LRRC37A: variants seen among roughly 807,000 people sequenced by gnomAD.
LRRC37A encodes the protein leucine-rich repeat-containing protein 37A.
Under a neutral mutation model 35.4 loss-of-function variants are expected in LRRC37A, and 3 were observed. That is an observed-to-expected ratio of 0.08 (90% confidence interval 0.04 to 0.22). LRRC37A has a LOEUF of 0.22. Ranked by LOEUF, LRRC37A falls within the 10% of genes least tolerant of loss-of-function variation. The pLI is 1.00. For synonymous variants in LRRC37A, 23 were observed against 215.0 expected (o/e 0.11, Z 7.81); for missense variants, 67 against 565.3 (o/e 0.12, Z 8.94).
At chr17:46,275,678 C>T in the LRRC37A span, among the ~76,000 whole-genome samples, 4 of 152,208 alleles carry the variant, frequency 2.6e-5, no homozygotes, top group Non-Finnish European at 5.9e-5. Flanking sequence ...ATAAAGATTA[C>T]AACATTTTCA....
the LRRC37A span, among the ~76,000 whole-genome samples, chr17:46,268,109 T>C: frequency 6.6e-6 from 1 of 152,094 alleles, no homozygotes; most frequent in Non-Finnish European, 1.5e-5. Context: ...GAAATCCTGA[T>C]ACAATGTGAT....
chr17:46,282,200 T>G, the LRRC37A span, among the ~76,000 whole-genome samples: 15,198 of 146,206 alleles, frequency 0.1, no homozygotes, highest in Non-Finnish European at 0.16. Context: ...TCTCCCGGGT[T>G]CATGCCATTC....
the LRRC37A span, among the ~76,000 whole-genome samples, chr17:46,253,781 GGGGAGA>G: frequency 6.6e-6 from 1 of 151,166 alleles, no homozygotes; most frequent in Admixed American, 6.6e-5. Context: ...GGGAGGGGAG[GGGGAGA>G]GGGAGAGGGA....
the LRRC37A span, among the ~76,000 whole-genome samples, chr17:46,254,753 C>A: frequency 6.6e-6 from 1 of 151,510 alleles, no homozygotes. Context: ...GTTGGCCAGG[C>A]TGGTCTCAAC....
chr17:46,252,896 C>T, the LRRC37A span, among the ~76,000 whole-genome samples: 299 of 150,762 alleles, frequency 2.0e-3, 4 homozygotes, highest in Non-Finnish European at 3.6e-3. Context: ...GGGTACACCT[C>T]CCGGACGGGG....
the LRRC37A span, among the ~76,000 whole-genome samples, chr17:46,255,896 C>G: frequency 2.7e-5 from 4 of 150,254 alleles, no homozygotes; most frequent in African/African-American, 4.9e-5. Flanking sequence ...AGGATGGTCT[C>G]GATCTCCTGA....
the LRRC37A span, chr17:46,260,410 A>G: frequency 6.5e-7 from 1 of 1,536,330 alleles, no homozygotes; most frequent in Non-Finnish European, 8.7e-7. Flanking sequence ...GCTGGTGCTC[A>G]TACACTTCCT....
the LRRC37A span, among the ~76,000 whole-genome samples, chr17:46,257,900 G>A: frequency 6.6e-6 from 1 of 152,166 alleles, no homozygotes; most frequent in East Asian, 1.9e-4. Flanking sequence ...TGTGGGCCAG[G>A]AATCTGGGAG....
the LRRC37A span, among the ~76,000 whole-genome samples, chr17:46,261,228 G>A: frequency 0.15 from 22,193 of 151,632 alleles, 2,276 homozygotes; most frequent in Non-Finnish European, 0.22. Flanking sequence ...TTTTTTTTTA[G>A]AAAAAGAGTT....
chr17:46,255,363 CTTTTTTTT>C, the LRRC37A span, among the ~76,000 whole-genome samples: 1 of 126,376 alleles, frequency 7.9e-6, no homozygotes, highest in Non-Finnish European at 1.7e-5. Flanking sequence ...TCCCCAAATT[CTTTTTTTT>C]TTTTTTTTTT....
chr17:46,251,475 C>T, the LRRC37A span, among the ~76,000 whole-genome samples: 1 of 152,052 alleles, frequency 6.6e-6, no homozygotes, highest in Non-Finnish European at 1.5e-5. Context: ...TCAGGCTGGT[C>T]TCAAACTCCC....
At chr17:46,317,307 G>A (rs1228741700) in intron 5 of LRRC37A, among the ~76,000 whole-genome samples, 1 of 81,290 alleles carries the variant, frequency 1.2e-5, no homozygotes, top group African/African-American at 3.2e-5. Context: ...TGGGAGTACA[G>A]GTGTGAGCAA....
the LRRC37A span, among the ~76,000 whole-genome samples, chr17:46,253,619 C>T: frequency 6.6e-6 from 1 of 152,150 alleles, no homozygotes; most frequent in Non-Finnish European, 1.5e-5. Flanking sequence ...CGTGGCGGCG[C>T]GTGCCTGCAA....
At chr17:46,273,161 T>A in the LRRC37A span, among the ~76,000 whole-genome samples, 18,479 of 152,226 alleles carry the variant, frequency 0.12, no homozygotes, top group Non-Finnish European at 0.18. Flanking sequence ...GAATAAATAG[T>A]GCAGAAATAC....
chr17:46,256,312 G>A, the LRRC37A span, among the ~76,000 whole-genome samples: 1 of 152,154 alleles, frequency 6.6e-6, no homozygotes, highest in Non-Finnish European at 1.5e-5. Context: ...TTGAACCCAG[G>A]AGGTGGAGGT....
the LRRC37A span, among the ~76,000 whole-genome samples, chr17:46,282,388 C>G: frequency 6.6e-6 from 1 of 151,268 alleles, no homozygotes; most frequent in African/African-American, 2.4e-5. Flanking sequence ...CAGGCGTGAT[C>G]CACCGCACCT....
At chr17:46,271,626 A>C in the LRRC37A span, among the ~76,000 whole-genome samples, 1 of 152,238 alleles carries the variant, frequency 6.6e-6, no homozygotes, top group African/African-American at 2.4e-5. Context: ...AATTAGCAGA[A>C]ATAGGGAAAT....
chr17:46,332,848 C>T (rs1324690582), intron 10 of LRRC37A, among the ~76,000 whole-genome samples, 192 bp downstream of exon 10: 1 of 149,582 alleles, frequency 6.7e-6, no homozygotes, highest in Non-Finnish European at 1.5e-5. Context: ...AAAGGATCCT[C>T]GCTTTCAGAT....
At chr17:46,270,525 T>G in the LRRC37A span, among the ~76,000 whole-genome samples, 1 of 152,258 alleles carries the variant, frequency 6.6e-6, no homozygotes, top group Admixed American at 6.5e-5. Context: ...TTATAGCTAA[T>G]GAAGAGCTTC....
Sources: gnomAD v4.1 joint callset for allele counts (sites outside exome capture counted in the v4.1 genomes callset) on GRCh38, gnomAD v4.1.1 for gene constraint, MANE v1.5 for transcripts, NCBI Gene and HGNC (gene_info 2026-07-23, HGNC 2026-07-21) for gene names.